The following SETX variants were observed in gnomAD, a reference collection of about 807,000 sequenced individuals.
The protein encoded by SETX is helicase senataxin.
Under a neutral mutation model 227.2 loss-of-function variants are expected in SETX, and 90 were observed. The ratio of observed to expected loss-of-function variants is 0.40; its 90% CI spans 0.33 to 0.47. SETX has a LOEUF of 0.47. Among genes scored for constraint, SETX ranks in the 20% least tolerant of loss-of-function variants. SETX has a pLI of 0.91. For synonymous variants in SETX, 1,210 were observed against 1,113.2 expected (o/e 1.09, Z -1.73); for missense variants, 3,052 against 3,181.5 (o/e 0.96, Z 0.98).
intron 15 of SETX, 49 bp downstream of exon 15, chr9:132,295,823 C>A (rs1170468227): frequency 6.4e-7 from 1 of 1,569,716 alleles, no homozygotes; most frequent in Admixed American, 1.8e-5. Context: ...GTTGCCTACA[C>A]TTAACACTGA....
At position 132,296,006 on chromosome 9, in the gene SETX, T is replaced by C. The variant is rs1844647853; in HGVS notation, c.5972A>G (p.Asp1991Gly). Residue 1991 changes from aspartate (D) to glycine (G), a missense_variant, in exon 15 of 26, where the codon GAC becomes GGC. Asp to Gly is a moderately conservative substitution (Grantham distance 94). Around this residue, in one of 10 missense-constraint regions of SETX, gnomAD observed 412 missense variants for 589.0 expected, o/e 0.70. Transcript: ENST00000224140. ...TTTGATTTTGGCATTGGAGTTTTCG[T>C]CTGAATGCCCCTTCCTCTGGTTCTA... ...LTENQRKGHSDENSNAKIKQN... is the reference protein window; with the variant it reads ...LTENQRKGHSGENSNAKIKQN... 6.2e-7 allele frequency: 1 copy of C among 1,614,212 alleles called. No homozygotes were observed. The highest frequency in any genetic ancestry group is 8.5e-7 in the Non-Finnish European group (1 of 1,180,048).
intron 25 of SETX, among the ~76,000 whole-genome samples, chr9:132,267,508 T>A (rs548312760): frequency 6.6e-6 from 1 of 152,328 alleles, no homozygotes; most frequent in East Asian, 1.9e-4. Flanking sequence ...CCCATTCCCA[T>A]AAGGGGAACT....
chr9:132,322,888 T>A (rs1432554398), intron 10 of SETX, among the ~76,000 whole-genome samples: 1 of 151,842 alleles, frequency 6.6e-6, no homozygotes, highest in Non-Finnish European at 1.5e-5. Context: ...TGAAATAGAA[T>A]AAAGGACTAT....
intron 2 of SETX, among the ~76,000 whole-genome samples, chr9:132,351,680 G>A (rs1005249884): frequency 1.3e-5 from 2 of 152,180 alleles, no homozygotes; most frequent in African/African-American, 4.8e-5. Context: ...CTGGCCTAAT[G>A]GCTAAGCCCA....
chr9:132,309,699 G>A (rs1845538344), intron 11 of SETX, among the ~76,000 whole-genome samples: 1 of 151,960 alleles, frequency 6.6e-6, no homozygotes, highest in Middle Eastern at 3.4e-3. Flanking sequence ...AAAAAAAAAA[G>A]GGGGAACATA....
chr9:132,352,770 T>C (rs1380131782), intron 2 of SETX, among the ~76,000 whole-genome samples: 2 of 152,220 alleles, frequency 1.3e-5, no homozygotes, highest in African/African-American at 4.8e-5. Context: ...GACAGGCACC[T>C]CAAAGTAAAC....
At chr9:132,301,544 A>G (rs1006568084) in intron 11 of SETX, among the ~76,000 whole-genome samples, 1 of 152,158 alleles carries the variant, frequency 6.6e-6, no homozygotes, top group African/African-American at 2.4e-5. Context: ...AGATTATAAT[A>G]TATTTTTACT....
rs981262882 is a variant in SETX, at chr9:132,264,830, T to C, written c.7443A>G (p.Pro2481=). ...AACCACCCTGGGGTCTGGACCCCTC[T>C]GGGGCTATGGTAGGAGGGTGAGTGA... The part of the protein sequence containing the change: ...RSLTHPPTIA[P]EGSRPQGGLP... Residue 2481 remains proline, a synonymous_variant, in exon 26 of 26, where the codon CCA becomes CCG. Coordinates refer to ENST00000224140, the MANE Select transcript of SETX (RefSeq NM_015046.7). 5 of 1,614,068 alleles carry C rather than the reference T, an allele frequency of 3.1e-6. No homozygotes were observed. The African/African-American group carries it at 5.3e-5, about 17-fold the overall frequency.
At chr9:132,301,805 C>T (rs942569373) in intron 11 of SETX, among the ~76,000 whole-genome samples, 2 of 152,170 alleles carry the variant, frequency 1.3e-5, no homozygotes, top group Non-Finnish European at 1.5e-5. Context: ...GCAACTTCTA[C>T]GCATTTCAAA....
chr9:132,318,493 G>C (rs778938537), intron 10 of SETX, among the ~76,000 whole-genome samples: 1 of 152,132 alleles, frequency 6.6e-6, no homozygotes, highest in East Asian at 1.9e-4. Flanking sequence ...GCATCACCTA[G>C]CTTTTGTATC....
intron 22 of SETX, among the ~76,000 whole-genome samples, chr9:132,276,488 G>A (rs1431401435): frequency 6.6e-6 from 1 of 152,146 alleles, no homozygotes; most frequent in African/African-American, 2.4e-5. Context: ...CCTACTTCAT[G>A]ACAGAGTGGC....
intron 19 of SETX, among the ~76,000 whole-genome samples, chr9:132,282,026 A>C (rs1417722173): frequency 1.3e-5 from 2 of 151,416 alleles, no homozygotes; most frequent in African/African-American, 2.4e-5. Context: ...CTCTAAAAAA[A>C]AAAAAAAAAA....
At chr9:132,342,837 T>C (rs1564564351) in intron 4 of SETX, 38 bp from the exon 5 acceptor site, 2 of 1,421,626 alleles carry the variant, frequency 1.4e-6, no homozygotes, top group East Asian at 2.3e-5. Context: ...ATAAATCTTA[T>C]CACCTTATCA....
At chr9:132,282,954 A>G in intron 19 of SETX, 1 of 389,052 alleles carries the variant, frequency 2.6e-6, no homozygotes, top group Non-Finnish European at 4.9e-6. Flanking sequence ...GCTATCCAAA[A>G]TTATATTAAA....
At chr9:132,356,354 C>T (rs1589805213), upstream of SETX, among the ~76,000 whole-genome samples, 1 of 152,044 alleles carries the variant, frequency 6.6e-6, no homozygotes, top group Non-Finnish European at 1.5e-5. Flanking sequence ...AGGCGTGTGC[C>T]ACACGCCCGG....
At chr9:132,310,058 A>C (rs1455608799) in intron 11 of SETX, among the ~76,000 whole-genome samples, 1 of 152,184 alleles carries the variant, frequency 6.6e-6, no homozygotes, top group Non-Finnish European at 1.5e-5. Context: ...AGATTATATA[A>C]AGAACTCCTA....
At chr9:132,286,362 T>C (rs1843889873) in intron 18 of SETX, 61 bp downstream of exon 18, 5 of 1,183,582 alleles carry the variant, frequency 4.2e-6, no homozygotes, top group South Asian at 2.6e-5. Context: ...TGAACAGTCA[T>C]ACTTAAATTT....
rs763521648 is a variant in SETX at position 132,328,819 on chromosome 9, TCTC to T, written c.2776_2778del (p.Glu926del). 14 of 1,612,322 alleles carry T rather than the reference TCTC, an allele frequency of 8.7e-6. No homozygotes were observed. Among genetic ancestry groups the T allele is most frequent in the African/African-American group, 5.3e-5 (4 of 74,840 alleles). Reference sequence around the variant, plus strand: ...TAAATCACACTGGTACTATTACTCATCTCCTCATCTCTTGATTCAGGTACAGTC... The same window carrying T: ...TAAATCACACTGGTACTATTACTCATCTCATCTCTTGATTCAGGTACAGTC... On this transcript the variant is annotated inframe_deletion, in exon 10 of 26. Transcript: ENST00000224140.
intron 5 of SETX, among the ~76,000 whole-genome samples, chr9:132,342,398 G>A (rs904502277): frequency 6.6e-6 from 1 of 152,136 alleles, no homozygotes; most frequent in South Asian, 2.1e-4. Flanking sequence ...AAGCAGGTGA[G>A]AAAGTCAAGA....
Sources: allele counts gnomAD v4.1 joint callset (sites outside exome capture counted in the v4.1 genomes callset), GRCh38; gene constraint gnomAD v4.1.1; regional missense constraint gnomAD v4.1.1; transcripts MANE v1.5; gene names NCBI Gene and HGNC (gene_info 2026-07-23, HGNC 2026-07-21).